The following BMPR2 variants were observed in gnomAD, a reference collection of about 807,000 sequenced individuals.
BMPR2 encodes bone morphogenetic protein receptor type-2.
Under a neutral mutation model 100.8 loss-of-function variants are expected in BMPR2, and 29 were observed. That is an observed-to-expected ratio of 0.29 (90% CI 0.21 to 0.39). BMPR2 has a LOEUF of 0.39. BMPR2 is among the 10% of genes least tolerant of loss of function. The pLI, the probability that BMPR2 is intolerant of heterozygous loss-of-function variation, is 1.00. For synonymous variants in BMPR2, 382 were observed against 442.3 expected (o/e 0.86, Z 1.71); for missense variants, 1,011 against 1,274.5 (o/e 0.79, Z 3.15).
At chr2:202,508,650 A>C (rs1255133146) in intron 3 of BMPR2, among the ~76,000 whole-genome samples, 1 of 152,238 alleles carries the variant, frequency 6.6e-6, no homozygotes, top group Non-Finnish European at 1.5e-5. Flanking sequence ...TTGTTTGAAA[A>C]TGTTTCATTG....
At chr2:202,404,929 T>G (rs1373151794) in intron 1 of BMPR2, among the ~76,000 whole-genome samples, 2 of 152,052 alleles carry the variant, frequency 1.3e-5, no homozygotes, top group East Asian at 3.9e-4. Context: ...GCTCAAGCAA[T>G]CCTCCCACCT....
intron 1 of BMPR2, among the ~76,000 whole-genome samples, chr2:202,386,562 A>C (rs1263728479): frequency 6.6e-6 from 1 of 152,054 alleles, no homozygotes. Flanking sequence ...CTACTACCTT[A>C]ATCTAAAAGC....
At chr2:202,525,322 C>T (rs898616574) in intron 7 of BMPR2, among the ~76,000 whole-genome samples, 7 of 151,926 alleles carry the variant, frequency 4.6e-5, no homozygotes, top group Non-Finnish European at 8.8e-5. Flanking sequence ...AGCAATTCTC[C>T]TGCCTCAGTC....
In BMPR2 at chr2:202,501,301, A is replaced by G. The variant is rs376852124; in HGVS notation, c.419-12418A>G. Among the ~76,000 whole-genome samples the G allele has an allele frequency of 1.8e-4, 28 of 152,296 alleles. No homozygotes were observed. The South Asian group carries it at 3.3e-3, about 18-fold the overall frequency. On this transcript the variant is annotated intron_variant, in intron 3 of 12. Coordinates refer to ENST00000374580, the MANE Select transcript of BMPR2 (RefSeq NM_001204.7). Reference sequence around the variant, plus strand: ...TTGGAATTACCGGCTTTTGCCGACTATGGATCCCTGGATACAGCGAGATAG... The same window carrying G: ...TTGGAATTACCGGCTTTTGCCGACTGTGGATCCCTGGATACAGCGAGATAG...
chr2:202,548,615 C>A (rs1023906562), intron 10 of BMPR2, among the ~76,000 whole-genome samples: 2 of 152,166 alleles, frequency 1.3e-5, no homozygotes, highest in African/African-American at 2.4e-5. Flanking sequence ...TTATGACCCA[C>A]CCATGAGATC....
At position 202,503,513 on chromosome 2, in the gene BMPR2, G is replaced by A. The variant is rs1687451800; in HGVS notation, c.419-10206G>A. ...CGGGCAATGAGGGGCTTAGCACCCA[G>A]GCCAGCAGCTGCGGAGGGTGTACTG... On this transcript the variant is annotated intron_variant, in intron 3 of 12. Transcript: ENST00000374580. The surrounding 1 kb of genome is among the most constrained non-coding windows in gnomAD (Gnocchi z 4.0). 6.6e-6 allele frequency among the ~76,000 whole-genome samples: 1 copy of A among 152,362 alleles called. No individual in the cohort carries two copies. Among genetic ancestry groups the A allele is most frequent in the Non-Finnish European group, 1.5e-5 (1 of 68,036 alleles).
rs1688657633 is a variant in BMPR2 at position 202,560,267 on chromosome 2, G to A, written c.*321G>A. On this transcript the variant is annotated 3_prime_UTR_variant, in exon 13 of 13. Transcript: ENST00000374580. ...TTTTAAGAAAAAAAGCAAAAACAAT[G>A]TATTGCTGATAATCAGTTTGGACCA... The A allele has an allele frequency of 3.0e-6, 1 of 329,998 alleles. No homozygotes were observed. The highest frequency in any genetic ancestry group is 2.1e-5 in the African/African-American group (1 of 46,766). 20.4% of individuals were successfully genotyped at this position (329,998 alleles called of 1,614,324 possible). A position where few individuals can be genotyped will look rare whatever the true frequency, so the allele number is the denominator to read the frequency against.
At chr2:202,395,491 A>G (rs1409203027) in intron 1 of BMPR2, among the ~76,000 whole-genome samples, 1 of 152,242 alleles carries the variant, frequency 6.6e-6, no homozygotes, top group African/African-American at 2.4e-5. Context: ...AAGCTATTAT[A>G]GGATAAGAAC....
chr2:202,527,659 C>T (rs1355457381), intron 7 of BMPR2, among the ~76,000 whole-genome samples: 1 of 151,352 alleles, frequency 6.6e-6, no homozygotes, highest in Non-Finnish European at 1.5e-5. Flanking sequence ...CGGTGGCGGG[C>T]GCCTGTAGTC....
At position 202,495,106 on chromosome 2, in the gene BMPR2, T is replaced by G. The variant is rs978903557; in HGVS notation, c.419-18613T>G. The stretch of plus-strand genomic sequence containing the variant: ...AGTGGGCGTGTGTTACAGGGTGCTC[T>G]TTTAGTTTGCCATCTATAGGCGGCT... On this transcript the variant is annotated intron_variant, in intron 3 of 12. Coordinates refer to ENST00000374580, the MANE Select transcript of BMPR2 (RefSeq NM_001204.7). The surrounding 1 kb of genome is among the most constrained non-coding windows in gnomAD (Gnocchi z 4.5). Among the ~76,000 whole-genome samples the G allele has an allele frequency of 4.6e-5, 7 of 152,214 alleles. No individual in the cohort carries two copies. The highest frequency in any genetic ancestry group is 1.7e-4 in the African/African-American group (7 of 41,452).
At chr2:202,425,899 C>T (rs1053334133) in intron 1 of BMPR2, among the ~76,000 whole-genome samples, 1 of 152,014 alleles carries the variant, frequency 6.6e-6, no homozygotes, top group African/African-American at 2.4e-5. Context: ...GAAAAAACAG[C>T]TACAGATTGA....
intron 3 of BMPR2, among the ~76,000 whole-genome samples, chr2:202,471,706 G>A (rs758634261): frequency 6.6e-6 from 1 of 152,178 alleles, no homozygotes; most frequent in Non-Finnish European, 1.5e-5. Flanking sequence ...AAGACTGGAC[G>A]ACTAGGCAGT....
intron 1 of BMPR2, among the ~76,000 whole-genome samples, chr2:202,425,096 C>A (rs906483461): frequency 6.6e-6 from 1 of 151,910 alleles, no homozygotes; most frequent in Non-Finnish European, 1.5e-5. Context: ...GTAGCTGGGA[C>A]TACAGGCACA....
At chr2:202,542,247 T>A in intron 9 of BMPR2, 64 bp from the exon 10 acceptor site, 1 of 1,586,442 alleles carries the variant, frequency 6.3e-7, no homozygotes, top group African/African-American at 1.3e-5. Context: ...GAAATACCCC[T>A]GTTATTCTAT....
chr2:202,559,587 C>A (rs1191299154), intron 12 of BMPR2, 109 bp from the exon 13 acceptor site: 4 of 1,203,080 alleles, frequency 3.3e-6, no homozygotes, highest in East Asian at 2.5e-5. Context: ...AAGAAATGTT[C>A]ATTAGCACCC....
rs568480203 is a variant in BMPR2 at position 202,507,854 on chromosome 2, C to T, written c.419-5865C>T. Among the ~76,000 whole-genome samples, 352 of 151,812 alleles carry T rather than the reference C, an allele frequency of 2.3e-3. 1 individual carries two copies. Among genetic ancestry groups the T allele is most frequent in the African/African-American group, 8.0e-3 (332 of 41,432 alleles). ...AGCTGGGATTACAGGCATGTGCCAC[C>T]ATGCCCGGCTAATTTTTGTATTTTT... On this transcript the variant is annotated intron_variant, in intron 3 of 12. Coordinates refer to ENST00000374580, the MANE Select transcript of BMPR2 (RefSeq NM_001204.7).
chr2:202,499,428 A>AT (rs1421893586), intron 3 of BMPR2, among the ~76,000 whole-genome samples: 1 of 152,182 alleles, frequency 6.6e-6, no homozygotes, highest in Non-Finnish European at 1.5e-5. Flanking sequence ...CCCATTATGG[A>AT]TCCCCACTGG....
At chr2:202,516,481 C>A (rs1412187317) in intron 5 of BMPR2, among the ~76,000 whole-genome samples, 1 of 152,122 alleles carries the variant, frequency 6.6e-6, no homozygotes, top group Non-Finnish European at 1.5e-5. Flanking sequence ...CAAGACAAGT[C>A]ATGGGCAACA....
chr2:202,403,800 G>A (rs927529937), intron 1 of BMPR2, among the ~76,000 whole-genome samples: 2 of 152,106 alleles, frequency 1.3e-5, no homozygotes, highest in Non-Finnish European at 2.9e-5. Context: ...GAGGTCGGGA[G>A]TTCAAGACCA....
Sources: allele counts gnomAD v4.1 joint callset (sites outside exome capture counted in the v4.1 genomes callset), GRCh38; gene constraint gnomAD v4.1.1; non-coding constraint Gnocchi (gnomAD v3.1); transcripts MANE v1.5; gene names NCBI Gene and HGNC (gene_info 2026-07-23, HGNC 2026-07-21).